Variants in USP10 observed in about 807,000 individuals in gnomAD.
The protein encoded by USP10 is ubiquitin carboxyl-terminal hydrolase 10.
A neutral mutation model predicts 84.5 loss-of-function variants in USP10; 22 were observed. The observed-to-expected ratio is 0.26, with a 90% CI of 0.19 to 0.37. USP10 has a LOEUF of 0.37. USP10 is among the 10% of genes least tolerant of loss of function. The pLI is 1.00. For missense variants in USP10, 1,019 were observed against 998.9 expected (o/e 1.02, Z -0.27); for synonymous variants, 454 against 387.6 (o/e 1.17, Z -2.01).
Position 84,732,567 on chromosome 16 carries a change from C to T in USP10, c.22-868C>T, listed in dbSNP as rs751541251. The T allele has an allele frequency of 4.1e-5, 14 of 343,914 alleles. 1 individual carries two copies. The highest frequency in any genetic ancestry group is 5.7e-5 in the Non-Finnish European group (10 of 176,518). The allele number at this position is 343,914 out of a possible 1,614,324, so 21.3% of individuals were successfully genotyped here. ...GTTCAAGCAATTCTCCTGGCTCAGC[C>T]TCCCGAGCAGCCGGGACTACAGGTA... On this transcript the variant is annotated intron_variant, in intron 1 of 13. Transcript: ENST00000219473.
At chr16:84,766,797 C>T (rs1249785706) in intron 10 of USP10, among the ~76,000 whole-genome samples, 3 of 152,124 alleles carry the variant, frequency 2.0e-5, no homozygotes, top group Non-Finnish European at 1.5e-5. Flanking sequence ...TTTTGAAAAA[C>T]GGTAAAGCAA....
At chr16:84,758,215 C>T (rs1912808853) in intron 4 of USP10, among the ~76,000 whole-genome samples, 1 of 152,164 alleles carries the variant, frequency 6.6e-6, no homozygotes, top group South Asian at 2.1e-4. Flanking sequence ...TATTTTTACT[C>T]ACTGAACAGC....
At chr16:84,767,430 A>C (rs1022035029) in intron 10 of USP10, among the ~76,000 whole-genome samples, 6 of 152,144 alleles carry the variant, frequency 3.9e-5, no homozygotes, top group African/African-American at 1.4e-4. Context: ...CTGGAATGTT[A>C]ACTTGTTTTT....
intron 10 of USP10, 65 bp downstream of exon 10, chr16:84,764,328 G>C: frequency 6.2e-7 from 1 of 1,602,996 alleles, no homozygotes; most frequent in South Asian, 1.1e-5. Context: ...TTGGTGAAGG[G>C]GGAAGGTGTG....
In USP10 at chr16:84,763,110, G is replaced by A. The variant is rs146126424; in HGVS notation, c.1654+22G>A. The A allele has an allele frequency of 8.4e-5, 128 of 1,523,344 alleles. No individual in the cohort carries two copies. The East Asian group carries it at 1.3e-3, about 15-fold the overall frequency. The allele number at this position is 1,523,344 out of a possible 1,614,324, so 94.4% of individuals were successfully genotyped here. On this transcript the variant is annotated intron_variant, in intron 9 of 13. Transcript: ENST00000219473. ...GAAAGTAGGTTATGGTCCACTTGCC[G>A]CAGAGTTGTGCAAGAGTTCGCTGTA... is the stretch of plus-strand genomic sequence containing the variant.
chr16:84,778,183 A>T (rs17597942), intron 13 of USP10, among the ~76,000 whole-genome samples: 1 of 151,034 alleles, frequency 6.6e-6, no homozygotes, highest in South Asian at 2.1e-4. Flanking sequence ...AACTACCAGC[A>T]CCATCTCCGC....
Position 84,740,305 on chromosome 16 carries a change from GCAGCTTCCTC to G in USP10, c.91-1_99del. On this transcript the variant is annotated splice_acceptor_variant and splice_polypyrimidine_tract_variant and coding_sequence_variant and intron_variant, in exon 3 of 14. Transcript: ENST00000219473. LOFTEE classifies it high-confidence loss of function. ...TAAAATTTGTTTTCTGATTCCTTGT[GCAGCTTCCTC>G]CATACAGTGGAACAGTTCTGTGTGG... 1 of 1,607,150 alleles carries G rather than the reference GCAGCTTCCTC, an allele frequency of 6.2e-7. No homozygotes were observed.
Position 84,758,782 on chromosome 16 carries a change from A to C in USP10, c.1259A>C (p.Lys420Thr). 6.2e-7 allele frequency: 1 copy of C among 1,613,760 alleles called. No individual in the cohort carries two copies. The highest frequency in any genetic ancestry group is 8.5e-7 in the Non-Finnish European group (1 of 1,179,636). The change falls in exon 5 of 14, where the codon AAA (lysine) becomes ACA (threonine). Residue 420 changes from lysine (K) to threonine (T), a missense_variant. By Grantham distance (78) the Lys-to-Thr change is moderately conservative. This residue lies in a region of USP10 where 787 missense variants were observed against 708.8 expected (regional missense o/e 1.11). Coordinates refer to ENST00000219473, the MANE Select transcript of USP10 (RefSeq NM_005153.3). The part of the protein sequence containing the change: ...VSLQPRGLIN[K>T]GNWCYINATL... ...TTGCAACCCCGTGGGCTGATCAATA[A>C]AGGGAACTGGTGCTACATTAATGCT...
intron 11 of USP10, 79 bp from the exon 12 acceptor site, chr16:84,772,462 T>G (rs1373640729): frequency 6.3e-7 from 1 of 1,590,992 alleles, no homozygotes; most frequent in Non-Finnish European, 8.6e-7. Context: ...AGAGGACGTC[T>G]TTGAGCGGAA....
chr16:84,773,129 A>C (rs963037964), intron 12 of USP10, among the ~76,000 whole-genome samples: 1 of 152,202 alleles, frequency 6.6e-6, no homozygotes, highest in African/African-American at 2.4e-5. Flanking sequence ...CGTGGCACTT[A>C]CCAGCCTCAA....
chr16:84,778,956 C>T lies in USP10; in HGVS notation c.2271C>T (p.Ile757=), dbSNP rs748347117. ...ATTACACTACAGACGTCTTCCAGAT[C>T]GGTCTGAATGGCTGGCTGCGCATCG... ...GGHYTTDVFQ[I]GLNGWLRIDD... is the part of the protein sequence containing the mutation. The change falls in exon 14 of 14, where the codon ATC becomes ATT. Residue 757 remains isoleucine (I), a synonymous_variant. Transcript: ENST00000219473. 2.4e-5 allele frequency: 38 copies of T among 1,613,872 alleles called. No individual in the cohort carries two copies. In the Admixed American group the frequency reaches 3.0e-4, roughly 13 times the overall value.
intron 1 of USP10, among the ~76,000 whole-genome samples, chr16:84,731,473 T>C (rs1017719002): frequency 2.6e-5 from 4 of 152,220 alleles, no homozygotes; most frequent in South Asian, 2.1e-4. Flanking sequence ...CATTCTTGTA[T>C]TTCTCGAATT....
At chr16:84,756,322 A>G (rs1912536706) in intron 4 of USP10, among the ~76,000 whole-genome samples, 1 of 152,170 alleles carries the variant, frequency 6.6e-6, no homozygotes, top group Non-Finnish European at 1.5e-5. Flanking sequence ...GCCACACACC[A>G]TGGCTCATGC....
chr16:84,757,397 GT>G (rs879418225), intron 4 of USP10, among the ~76,000 whole-genome samples: 4,354 of 78,442 alleles, frequency 0.056, 74 homozygotes, highest in Non-Finnish European at 0.081. Context: ...AATGAGAGGG[GT>G]GGGGGTGTGT....
chr16:84,707,623 C>G (rs1258246918), intron 1 of USP10, among the ~76,000 whole-genome samples: 14 of 152,128 alleles, frequency 9.2e-5, no homozygotes, highest in African/African-American at 3.4e-4. Context: ...TTGAAAACAT[C>G]CACTGAAGTC....
chr16:84,760,939 A>G (rs1458992315), intron 8 of USP10, among the ~76,000 whole-genome samples: 1 of 152,230 alleles, frequency 6.6e-6, no homozygotes, highest in Non-Finnish European at 1.5e-5. Context: ...AATAGTTGAG[A>G]AAATGCCATT....
intron 4 of USP10, among the ~76,000 whole-genome samples, chr16:84,751,923 G>A (rs532945029): frequency 1.3e-5 from 2 of 152,216 alleles, no homozygotes; most frequent in East Asian, 1.9e-4. Context: ...AGCTTATGAT[G>A]ACATAAAAGT....
intron 1 of USP10, chr16:84,716,438 T>C (rs903576117): frequency 6.6e-6 from 1 of 152,212 alleles, no homozygotes; most frequent in Admixed American, 6.5e-5. Flanking sequence ...AGCAAATCTT[T>C]ATTAGATTCT....
intron 8 of USP10, among the ~76,000 whole-genome samples, chr16:84,762,356 T>A (rs558832971): frequency 1.8e-4 from 28 of 152,362 alleles, no homozygotes; most frequent in African/African-American, 6.3e-4. Context: ...CTATTTTGTT[T>A]ACCCAAGACA....
Sources: allele counts gnomAD v4.1 joint callset (sites outside exome capture counted in the v4.1 genomes callset), GRCh38; gene constraint gnomAD v4.1.1; regional missense constraint gnomAD v4.1.1; transcripts MANE v1.5; gene names NCBI Gene and HGNC (gene_info 2026-07-23, HGNC 2026-07-21).